The following MKRN2 variants were observed in gnomAD, a reference collection of about 807,000 sequenced individuals.
MKRN2 encodes the protein E3 ubiquitin-protein ligase makorin-2.
In MKRN2, 32 loss-of-function variants were observed where a neutral mutation model predicts 45.4. That is an observed-to-expected ratio of 0.70 (90% confidence interval 0.53 to 0.95). MKRN2 has a LOEUF of 0.95. Ranked by LOEUF, MKRN2 falls within the 40% of genes least tolerant of loss-of-function variation. The pLI is 0.00. For missense variants in MKRN2, 526 were observed against 536.7 expected, an observed-to-expected ratio of 0.98 and a Z score of 0.20; for synonymous variants, 206 against 192.4, an observed-to-expected ratio of 1.07 and a Z score of -0.59.
intron 1 of MKRN2, 130 bp downstream of exon 1, chr3:12,557,306 G>A (rs1037540135): frequency 2.9e-5 from 37 of 1,273,576 alleles, no homozygotes; most frequent in Non-Finnish European, 3.5e-5. Flanking sequence ...TGTTCGCGGC[G>A]GGGCTTTGCG....
intron 6 of MKRN2, among the ~76,000 whole-genome samples, chr3:12,580,038 C>G (rs1236290107): frequency 1.3e-5 from 2 of 152,128 alleles, no homozygotes; most frequent in Non-Finnish European, 2.9e-5. Flanking sequence ...GAGGCTTCCA[C>G]AAGTGTGGGA....
At chr3:12,561,448 T>C (rs933060784) in intron 1 of MKRN2, among the ~76,000 whole-genome samples, 10 of 152,210 alleles carry the variant, frequency 6.6e-5, no homozygotes, top group African/African-American at 2.4e-4. Context: ...TCTTCCACCC[T>C]GGTTCTTTCA....
At chr3:12,564,106 C>G (rs142511642) in intron 1 of MKRN2, among the ~76,000 whole-genome samples, 1 of 151,828 alleles carries the variant, frequency 6.6e-6, no homozygotes, top group Non-Finnish European at 1.5e-5. Flanking sequence ...CCACCACGCC[C>G]GGCTAATTTT....
chr3:12,561,460 G>T (rs1349197104), intron 1 of MKRN2, among the ~76,000 whole-genome samples: 1 of 152,136 alleles, frequency 6.6e-6, no homozygotes, highest in Non-Finnish European at 1.5e-5. Flanking sequence ...GTTCTTTCAG[G>T]AAATTTTCTG....
Position 12,568,990 on chromosome 3 carries a change from G to A in MKRN2, c.142G>A (p.Gly48Arg), listed in dbSNP as rs1241993145. 1 of 1,613,858 alleles carries A rather than the reference G, an allele frequency of 6.2e-7. No homozygotes were observed. Among genetic ancestry groups the A allele is most frequent in the Non-Finnish European group, 8.5e-7 (1 of 1,180,004 alleles). ...KYYQKGYCAY[G>R]TRCRYDHTRP... ...CTACCAGAAGGGCTACTGTGCCTATGGAACTCGGTGCAGGCAAGGACTCTG... is the reference window on the plus strand; with the variant it reads ...CTACCAGAAGGGCTACTGTGCCTATAGAACTCGGTGCAGGCAAGGACTCTG... The change falls in exon 2 of 8, where the codon GGA becomes AGA. Residue 48 changes from glycine (G) to arginine (R), a missense_variant. By Grantham distance (125) the Gly-to-Arg change is moderately radical. Transcript: ENST00000170447.
chr3:12,558,948 T>C (rs990328494), intron 1 of MKRN2, among the ~76,000 whole-genome samples: 1 of 152,352 alleles, frequency 6.6e-6, no homozygotes, highest in South Asian at 2.1e-4. Context: ...GCGACTTGCC[T>C]AAGGTCATTT....
At chr3:12,573,112 G>T (rs2058109627) in intron 4 of MKRN2, among the ~76,000 whole-genome samples, 1 of 152,134 alleles carries the variant, frequency 6.6e-6, no homozygotes, top group African/African-American at 2.4e-5. Context: ...CCAAATCATA[G>T]AATCTGAGGA....
intron 1 of MKRN2, among the ~76,000 whole-genome samples, chr3:12,565,583 T>A (rs1424940809): frequency 7.1e-6 from 1 of 140,124 alleles, no homozygotes; most frequent in Non-Finnish European, 1.5e-5. Context: ...TCACCCAGGC[T>A]AGAGTGCAGC....
intron 1 of MKRN2, among the ~76,000 whole-genome samples, chr3:12,561,532 C>T (rs1177563697): frequency 2.0e-5 from 3 of 152,152 alleles, no homozygotes; most frequent in Non-Finnish European, 2.9e-5. Context: ...TTCCTATAAT[C>T]CCAGCACTTG....
intron 1 of MKRN2, among the ~76,000 whole-genome samples, chr3:12,558,821 A>G (rs2058008018): frequency 6.6e-6 from 1 of 152,200 alleles, no homozygotes; most frequent in Non-Finnish European, 1.5e-5. Flanking sequence ...CTTCTGTTTA[A>G]GTGTTTAGTC....
At chr3:12,579,225 CATG>C (rs1354930070) in intron 6 of MKRN2, among the ~76,000 whole-genome samples, 3 of 152,114 alleles carry the variant, frequency 2.0e-5, no homozygotes, top group Non-Finnish European at 4.4e-5. Flanking sequence ...CTGGCAGTGG[CATG>C]ATTTCAGCTC....
chr3:12,580,534 C>T (rs867576465), intron 6 of MKRN2, among the ~76,000 whole-genome samples: 8 of 151,372 alleles, frequency 5.3e-5, no homozygotes, highest in Admixed American at 2.0e-4. Flanking sequence ...CTCACTGCAG[C>T]CTCCACCTCC....
chr3:12,571,087 A>G (rs912108602), intron 3 of MKRN2, among the ~76,000 whole-genome samples: 5 of 144,386 alleles, frequency 3.5e-5, no homozygotes, highest in African/African-American at 1.4e-4. Flanking sequence ...AGAAAGCTAC[A>G]AATTGTAAAA....
chr3:12,560,589 AGATT>A (rs2058028995), intron 1 of MKRN2, among the ~76,000 whole-genome samples: 1 of 152,060 alleles, frequency 6.6e-6, no homozygotes, highest in Admixed American at 6.5e-5. Context: ...GTAAGAAACC[AGATT>A]GATTGTTTTG....
intron 6 of MKRN2, among the ~76,000 whole-genome samples, chr3:12,580,749 A>T (rs1433498351): frequency 6.6e-6 from 1 of 152,166 alleles, no homozygotes; most frequent in Non-Finnish European, 1.5e-5. Flanking sequence ...GTGAGCCACC[A>T]CACCCGGCCA....
intron 1 of MKRN2, among the ~76,000 whole-genome samples, chr3:12,567,976 TTCTGAAACA>T (rs746917157): frequency 6.6e-6 from 1 of 152,252 alleles, no homozygotes; most frequent in Non-Finnish European, 1.5e-5. Context: ...ACATCTGATA[TTCTGAAACA>T]TCTGAAACAA....
At chr3:12,580,455 C>G (rs3773342) in intron 6 of MKRN2, among the ~76,000 whole-genome samples, 2 of 149,606 alleles carry the variant, frequency 1.3e-5, no homozygotes, top group African/African-American at 2.5e-5. Flanking sequence ...CCTACCCCCC[C>G]GCCACCACCC....
intron 1 of MKRN2, among the ~76,000 whole-genome samples, chr3:12,563,784 G>A (rs113047171): frequency 5.5e-3 from 4 of 728 alleles, no homozygotes; most frequent in African/African-American, 0.023. Flanking sequence ...CACCACACCC[G>A]GCCAGAATCA....
Position 12,568,830 on chromosome 3 carries a change from C to T in MKRN2, c.27-45C>T, listed in dbSNP as rs1363408697. On this transcript the variant is annotated intron_variant, in intron 1 of 7. Transcript: ENST00000170447. Reference sequence around the variant, plus strand: ...TCAAGAATAAGCTGATTTTATAAAGCAAAATGTGCTTCTAAAAGTTGTATG... The same window carrying T: ...TCAAGAATAAGCTGATTTTATAAAGTAAAATGTGCTTCTAAAAGTTGTATG... 7 of 1,593,786 alleles carry T rather than the reference C, an allele frequency of 4.4e-6. No individual in the cohort carries two copies. In the African/African-American group the frequency reaches 9.4e-5, roughly 21 times the overall value.
Sources: gnomAD v4.1 joint callset for allele counts (sites outside exome capture counted in the v4.1 genomes callset) on GRCh38, gnomAD v4.1.1 for gene constraint, MANE v1.5 for transcripts, NCBI Gene and HGNC (gene_info 2026-07-23, HGNC 2026-07-21) for gene names.